Variants in UBE2F observed in about 807,000 individuals in gnomAD.
UBE2F encodes the protein NEDD8-conjugating enzyme UBE2F.
Under a neutral mutation model 29.6 loss-of-function variants are expected in UBE2F, and 5 were observed. That is an observed-to-expected ratio of 0.17 (90% CI 0.09 to 0.36). UBE2F has a LOEUF of 0.36. UBE2F is among the 10% of genes least tolerant of loss of function. The pLI is 1.00. For synonymous variants in UBE2F, 66 were observed against 81.8 expected (o/e 0.81, Z 1.04); for missense variants, 141 against 228.5 (o/e 0.62, Z 2.47).
rs1477843186 is a variant in UBE2F at position 237,970,607 on chromosome 2, T to G, written c.-16-2485T>G. ...GTCTTTGAAACCTTTAGACCAGTGC[T>G]TCTTAAGGGGTTTAGGGTATGTGTA... On this transcript the variant is annotated intron_variant, in intron 1 of 9. Transcript: ENST00000272930. Among the ~76,000 whole-genome samples the G allele has an allele frequency of 2.0e-5, 3 of 152,240 alleles. 1 individual carries two copies. The South Asian group carries it at 6.2e-4, about 32-fold the overall frequency.
intron 1 of UBE2F, among the ~76,000 whole-genome samples, chr2:237,972,308 A>T (rs1222796413): frequency 1.3e-5 from 2 of 152,184 alleles, no homozygotes; most frequent in African/African-American, 4.8e-5. Context: ...TCAGTTGGTG[A>T]TGGGCCAGAA....
At position 237,967,678 on chromosome 2, in the gene UBE2F, C is replaced by T. The variant is rs1260543203; in HGVS notation, c.-17+546C>T. ...GACAACTCGCGCCCGGTCCTCGTAC[C>T]TGCAGCGGGAAGAGTAAGTATGGAC... On this transcript the variant is annotated intron_variant, in intron 1 of 9. Coordinates refer to ENST00000272930, the MANE Select transcript of UBE2F (RefSeq NM_080678.3). This position sits in a 1 kb window ranked among gnomAD's most constrained non-coding sequence, Gnocchi z 6.3. 6.6e-6 allele frequency among the ~76,000 whole-genome samples: 1 copy of T among 152,184 alleles called. No homozygotes were observed. The highest frequency in any genetic ancestry group is 1.5e-5 in the Non-Finnish European group (1 of 68,036).
chr2:238,037,677 C>T (rs2064745129), intron 9 of UBE2F, among the ~76,000 whole-genome samples: 1 of 152,178 alleles, frequency 6.6e-6, no homozygotes. Context: ...GCAGTCTTGG[C>T]TCACTGCAAC....
chr2:237,975,651 G>A (rs1239573272), intron 2 of UBE2F, among the ~76,000 whole-genome samples: 1 of 152,072 alleles, frequency 6.6e-6, no homozygotes, highest in Non-Finnish European at 1.5e-5. Context: ...TGGGTTTGTG[G>A]GGACTTAACA....
At chr2:237,973,391 A>G (rs2063213261) in intron 2 of UBE2F, among the ~76,000 whole-genome samples, 166 bp downstream of exon 2, 1 of 152,272 alleles carries the variant, frequency 6.6e-6, no homozygotes. Flanking sequence ...TGTACCACGC[A>G]GGTGATATGA....
At chr2:238,007,737 T>C (rs968467782) in intron 4 of UBE2F, among the ~76,000 whole-genome samples, 3 of 152,206 alleles carry the variant, frequency 2.0e-5, no homozygotes, top group Non-Finnish European at 2.9e-5. Flanking sequence ...TAATTCATCA[T>C]GTATTATGTG....
intron 4 of UBE2F, among the ~76,000 whole-genome samples, chr2:237,997,952 T>C (rs2063722667): frequency 6.6e-6 from 1 of 152,158 alleles, no homozygotes; most frequent in African/African-American, 2.4e-5. Flanking sequence ...GCCTGAAATA[T>C]CCCGTGGAGG....
At chr2:238,025,792 G>GA (rs948276920) in intron 6 of UBE2F, among the ~76,000 whole-genome samples, 44 of 152,292 alleles carry the variant, frequency 2.9e-4, no homozygotes, top group African/African-American at 9.4e-4. Context: ...ATACCCAGGA[G>GA]AAAAAATGTA....
intron 4 of UBE2F, among the ~76,000 whole-genome samples, chr2:238,012,044 AT>A (rs34003831): frequency 2.0e-4 from 26 of 131,488 alleles, no homozygotes; most frequent in Admixed American, 6.9e-4. Context: ...ACACCTGGCA[AT>A]TTTTTTTTTT....
intron 4 of UBE2F, among the ~76,000 whole-genome samples, chr2:238,009,056 T>A (rs2063962614): frequency 6.6e-6 from 1 of 152,358 alleles, no homozygotes; most frequent in East Asian, 1.9e-4. Flanking sequence ...TTTAAGGATA[T>A]CATTCTACTG....
At chr2:238,036,679 A>G (rs2064716905) in intron 9 of UBE2F, among the ~76,000 whole-genome samples, 1 of 152,212 alleles carries the variant, frequency 6.6e-6, no homozygotes, top group African/African-American at 2.4e-5. Context: ...TACAAAAATT[A>G]GCCAGGCATG....
chr2:237,974,518 T>TG (rs2063237946), intron 2 of UBE2F, among the ~76,000 whole-genome samples: 2 of 142,172 alleles, frequency 1.4e-5, no homozygotes, highest in East Asian at 2.1e-4. Flanking sequence ...TTTTTTTGTT[T>TG]TTTTTTTTTT....
intron 2 of UBE2F, chr2:237,973,882 A>G (rs902302542): frequency 3.8e-5 from 9 of 239,966 alleles, no homozygotes; most frequent in Non-Finnish European, 6.7e-5. Context: ...AAAATTTTCA[A>G]GTGCTTTGAA....
At chr2:238,022,142 C>T (rs1025834950) in intron 5 of UBE2F, among the ~76,000 whole-genome samples, 21 of 144,524 alleles carry the variant, frequency 1.5e-4, no homozygotes, top group Admixed American at 2.7e-4. Flanking sequence ...GTTTAATATC[C>T]GATTGTCATT....
chr2:237,977,127 C>T (rs1318207666), intron 2 of UBE2F, among the ~76,000 whole-genome samples: 1 of 152,074 alleles, frequency 6.6e-6, no homozygotes, highest in Non-Finnish European at 1.5e-5. Context: ...AACCTGGGCG[C>T]CCCTCCAGCT....
At chr2:237,985,170 T>C (rs1355661125) in intron 2 of UBE2F, among the ~76,000 whole-genome samples, 1 of 152,206 alleles carries the variant, frequency 6.6e-6, no homozygotes, top group Middle Eastern at 3.2e-3. Flanking sequence ...AGTAGGTTGT[T>C]TACTACAGTC....
At chr2:237,968,632 G>A (rs2063109768) in intron 1 of UBE2F, among the ~76,000 whole-genome samples, 1 of 152,218 alleles carries the variant, frequency 6.6e-6, no homozygotes, top group African/African-American at 2.4e-5. Context: ...TGCTTGCAGG[G>A]ATGCTGAGTA....
chr2:237,974,006 A>T (rs1476343021), intron 2 of UBE2F, among the ~76,000 whole-genome samples: 1 of 152,048 alleles, frequency 6.6e-6, no homozygotes, highest in African/African-American at 2.4e-5. Context: ...TTATTTATTT[A>T]TTTTTTTGAG....
chr2:238,032,176 T>C (rs769248563), intron 7 of UBE2F, 46 bp from the exon 8 acceptor site: 1 of 1,516,200 alleles, frequency 6.6e-7, no homozygotes, highest in African/African-American at 1.4e-5. Flanking sequence ...AAAGACTAGG[T>C]GCACTTTGGC....
Sources: gnomAD v4.1 joint callset for allele counts (sites outside exome capture counted in the v4.1 genomes callset) on GRCh38, gnomAD v4.1.1 for gene constraint, Gnocchi (gnomAD v3.1) non-coding constraint, MANE v1.5 for transcripts, NCBI Gene and HGNC (gene_info 2026-07-23, HGNC 2026-07-21) for gene names.